The following ZSWIM6 variants were observed in gnomAD, a reference collection of about 807,000 sequenced individuals.
ZSWIM6 encodes the protein zinc finger SWIM-type containing 6.
In ZSWIM6, 9 loss-of-function variants were observed where a neutral mutation model predicts 113.2. That is an observed-to-expected ratio of 0.08 (90% CI 0.05 to 0.14). ZSWIM6 has a LOEUF of 0.14. Ranked by LOEUF, ZSWIM6 falls within the 10% of genes least tolerant of loss-of-function variation. The pLI is 1.00. For missense variants in ZSWIM6, 1,162 were observed against 1,552.2 expected, an observed-to-expected ratio of 0.75 and a Z score of 4.22; for synonymous variants, 611 against 606.5, an observed-to-expected ratio of 1.01 and a Z score of -0.11.
At chr5:61,536,470 G>A (rs1425757070) in intron 10 of ZSWIM6, among the ~76,000 whole-genome samples, 1 of 152,144 alleles carries the variant, frequency 6.6e-6, no homozygotes, top group African/African-American at 2.4e-5. Flanking sequence ...TGCTTCTAAT[G>A]GAAAGTACAG....
chr5:61,408,159 C>T (rs1222147705), intron 1 of ZSWIM6, among the ~76,000 whole-genome samples: 3 of 152,144 alleles, frequency 2.0e-5, no homozygotes, highest in East Asian at 1.9e-4. Context: ...AAGTAGAGAA[C>T]ATTATGTATA....
At chr5:61,358,815 A>C (rs536090287) in intron 1 of ZSWIM6, among the ~76,000 whole-genome samples, 1 of 152,200 alleles carries the variant, frequency 6.6e-6, no homozygotes, top group African/African-American at 2.4e-5. Flanking sequence ...AGTGCTTCCC[A>C]GTCTCTTTTA....
chr5:61,456,613 A>G (rs560196161), intron 1 of ZSWIM6, among the ~76,000 whole-genome samples: 58 of 152,350 alleles, frequency 3.8e-4, no homozygotes, highest in African/African-American at 1.4e-3. Context: ...TGCTGTGCAT[A>G]TGTATATAAA....
At chr5:61,531,868 G>A (rs116725723) in intron 9 of ZSWIM6, 143 bp downstream of exon 9, 10 of 926,470 alleles carry the variant, frequency 1.1e-5, no homozygotes, top group Admixed American at 5.8e-5. Flanking sequence ...AGACATGTTC[G>A]CTGTCTAAAA....
At chr5:61,364,312 T>G (rs1745108255) in intron 1 of ZSWIM6, among the ~76,000 whole-genome samples, 1 of 152,228 alleles carries the variant, frequency 6.6e-6, no homozygotes, top group Non-Finnish European at 1.5e-5. Flanking sequence ...TGCATATACA[T>G]GCTTGAATTA....
At position 61,332,498 on chromosome 5, in the gene ZSWIM6, T is replaced by C; in HGVS notation, c.226T>C (p.Ser76Pro). ...LPPGKTQSPESLLDIAARRVA... is the reference protein window; with the variant it reads ...LPPGKTQSPEPLLDIAARRVA... ...GCCGGGCAAGACCCAGAGCCCCGAG[T>C]CGCTGCTGGACATCGCGGCGCGCAG... The change falls in exon 1 of 14, where the codon TCG becomes CCG. Residue 76 changes from serine (S) to proline (P), a missense_variant. Coordinates refer to ENST00000252744, the MANE Select transcript of ZSWIM6 (RefSeq NM_020928.2). The C allele has an allele frequency of 7.9e-7, 1 of 1,269,160 alleles. No individual in the cohort carries two copies. The highest frequency in any genetic ancestry group is 1.0e-6 in the Non-Finnish European group (1 of 978,434). 78.6% of individuals were successfully genotyped at this position (1,269,160 alleles called of 1,614,324 possible).
rs868200811 is a variant in ZSWIM6, at chr5:61,332,410, G to A, written c.138G>A (p.Pro46=). Residue 46 remains proline (P), a synonymous_variant, in exon 1 of 14, where the codon CCG becomes CCA. Transcript: ENST00000252744. ...ACAGCTCTGCCTGTCGGCCAGGCCC[G>A]CGGGCGGGTGGCGCGGCGGCGGCGG... ...GGYSSACRPG[P]RAGGAAAAAA... 5 of 994,514 alleles carry A rather than the reference G, an allele frequency of 5.0e-6. No homozygotes were observed. The South Asian group carries it at 1.4e-4, about 27-fold the overall frequency. 61.6% of individuals were successfully genotyped at this position (994,514 alleles called of 1,614,324 possible). A position where few individuals can be genotyped will look rare whatever the true frequency, so the allele number is the denominator to read the frequency against.
intron 1 of ZSWIM6, chr5:61,347,343 G>T: frequency 5.6e-6 from 1 of 177,494 alleles, no homozygotes; most frequent in South Asian, 1.5e-4. Context: ...GTTGATCATG[G>T]AGATGATGCA....
intron 1 of ZSWIM6, among the ~76,000 whole-genome samples, chr5:61,350,158 T>TGACC (rs1450908340): frequency 6.6e-6 from 1 of 152,242 alleles, no homozygotes; most frequent in Admixed American, 6.5e-5. Flanking sequence ...AGATATTGTG[T>TGACC]GACCACCTGT....
intron 1 of ZSWIM6, among the ~76,000 whole-genome samples, chr5:61,438,236 C>G (rs1055253528): frequency 6.6e-6 from 1 of 151,980 alleles, no homozygotes; most frequent in Admixed American, 6.6e-5. Flanking sequence ...TAGTCATGTT[C>G]GAAATATGAC....
chr5:61,408,133 A>G (rs1245855267), intron 1 of ZSWIM6, among the ~76,000 whole-genome samples: 2 of 152,246 alleles, frequency 1.3e-5, no homozygotes, highest in African/African-American at 4.8e-5. Context: ...CAATTCTAAA[A>G]AAGAATAAGG....
intron 3 of ZSWIM6, 97 bp from the exon 4 acceptor site, chr5:61,494,163 A>G (rs2112219511): frequency 1.5e-6 from 2 of 1,306,218 alleles, no homozygotes; most frequent in African/African-American, 2.9e-5. Context: ...GAGAGAGAGA[A>G]ACAGAGAAAA....
chr5:61,343,939 T>G (rs1744600848), intron 1 of ZSWIM6, among the ~76,000 whole-genome samples: 1 of 150,844 alleles, frequency 6.6e-6, no homozygotes, highest in Non-Finnish European at 1.5e-5. Flanking sequence ...CAGGCTGGAG[T>G]GCAGTGGTGC....
intron 4 of ZSWIM6, among the ~76,000 whole-genome samples, chr5:61,501,541 T>C (rs1351097348): frequency 6.6e-6 from 1 of 152,214 alleles, no homozygotes; most frequent in African/African-American, 2.4e-5. Context: ...AATTGGAAAT[T>C]CTTAGTAGTA....
At chr5:61,436,031 G>A (rs770879321) in intron 1 of ZSWIM6, among the ~76,000 whole-genome samples, 17 of 151,992 alleles carry the variant, frequency 1.1e-4, no homozygotes, top group Non-Finnish European at 1.9e-4. Flanking sequence ...GAGAAACCCC[G>A]TCTCTACCAA....
At chr5:61,462,412 A>T (rs922961007) in intron 1 of ZSWIM6, among the ~76,000 whole-genome samples, 1 of 152,248 alleles carries the variant, frequency 6.6e-6, no homozygotes, top group African/African-American at 2.4e-5. Context: ...GGAAAAATTA[A>T]GTCTTCTAAA....
Position 61,435,352 on chromosome 5 carries a change from T to G in ZSWIM6, c.677-37329T>G, listed in dbSNP as rs540803405. 7.7e-4 allele frequency among the ~76,000 whole-genome samples: 117 copies of G among 152,358 alleles called. 2 individuals carry two copies. Among genetic ancestry groups the G allele is most frequent in the African/African-American group, 2.8e-3 (115 of 41,584 alleles). ...AATGTGTGCACAGCTACTGTTTTGG[T>G]AAACACAGACAAGTAACCAGATGGT... On this transcript the variant is annotated intron_variant, in intron 1 of 13. Transcript: ENST00000252744.
intron 1 of ZSWIM6, among the ~76,000 whole-genome samples, chr5:61,429,949 G>C (rs945643203): frequency 6.6e-6 from 1 of 152,212 alleles, no homozygotes; most frequent in Non-Finnish European, 1.5e-5. Context: ...TAAGTGAAAG[G>C]TACTGAGAAG....
chr5:61,461,151 A>G (rs562018887), intron 1 of ZSWIM6, among the ~76,000 whole-genome samples: 5 of 152,300 alleles, frequency 3.3e-5, no homozygotes, highest in African/African-American at 1.2e-4. Flanking sequence ...TGTCATATTT[A>G]TCCTTTCTCT....
Sources: gnomAD v4.1 joint callset for allele counts (sites outside exome capture counted in the v4.1 genomes callset) on GRCh38, gnomAD v4.1.1 for gene constraint, MANE v1.5 for transcripts, NCBI Gene and HGNC (gene_info 2026-07-23, HGNC 2026-07-21) for gene names.